Variants in GALNT13 observed in about 807,000 individuals in gnomAD.
GALNT13 encodes the protein UDP-GalNAc:polypeptide N-acetylgalactosaminyltransferase 13.
Under a neutral mutation model 64.2 loss-of-function variants are expected in GALNT13, and 28 were observed. That is an observed-to-expected ratio of 0.44 (90% CI 0.32 to 0.60). The LOEUF (loss-of-function observed/expected upper bound fraction) is 0.60, where lower values mean the gene tolerates loss of function less well. GALNT13 is among the 20% of genes least tolerant of loss of function. The pLI is 0.05. For synonymous variants in GALNT13, 214 were observed against 224.6 expected, an observed-to-expected ratio of 0.95 and a Z score of 0.42; for missense variants, 577 against 669.8, an observed-to-expected ratio of 0.86 and a Z score of 1.53.
chr2:153,262,253 G>A, the GALNT13 span, among the ~76,000 whole-genome samples: 1 of 152,116 alleles, frequency 6.6e-6, no homozygotes, highest in South Asian at 2.1e-4. Flanking sequence ...GATTGTTCAG[G>A]GACAAAGGCA....
At chr2:153,296,503 G>A in the GALNT13 span, among the ~76,000 whole-genome samples, 2 of 152,106 alleles carry the variant, frequency 1.3e-5, no homozygotes, top group Non-Finnish European at 2.9e-5. Flanking sequence ...AGTTCATAAT[G>A]GAGAGAGAAA....
At chr2:153,516,955 CCTT>C in the GALNT13 span, among the ~76,000 whole-genome samples, 1 of 152,024 alleles carries the variant, frequency 6.6e-6, no homozygotes, top group Non-Finnish European at 1.5e-5. Flanking sequence ...CCTTCCACCT[CCTT>C]CTCCACTCTT....
chr2:153,680,353 A>T, the GALNT13 span, among the ~76,000 whole-genome samples: 3 of 151,904 alleles, frequency 2.0e-5, no homozygotes, highest in South Asian at 6.2e-4. Context: ...AATAAAAAAA[A>T]ATTCCTTTCC....
intron 3 of GALNT13, among the ~76,000 whole-genome samples, chr2:154,034,106 A>G (rs893472761): frequency 6.6e-6 from 1 of 152,196 alleles, no homozygotes; most frequent in South Asian, 2.1e-4. Context: ...TGACTCAGCC[A>G]TCACACTACA....
At chr2:153,557,756 G>C in the GALNT13 span, among the ~76,000 whole-genome samples, 1 of 152,306 alleles carries the variant, frequency 6.6e-6, no homozygotes. Flanking sequence ...CGTGGCTACA[G>C]AGTCTTTAAG....
chr2:153,700,295 C>T, the GALNT13 span, among the ~76,000 whole-genome samples: 3 of 152,148 alleles, frequency 2.0e-5, no homozygotes, highest in African/African-American at 7.2e-5. Flanking sequence ...AATTCAACAT[C>T]TCTTTATGTT....
chr2:153,801,659 G>C, the GALNT13 span, among the ~76,000 whole-genome samples: 1 of 152,086 alleles, frequency 6.6e-6, no homozygotes, highest in Non-Finnish European at 1.5e-5. Context: ...ATAATGAAAA[G>C]TTTCAAATAT....
the GALNT13 span, among the ~76,000 whole-genome samples, chr2:153,410,778 G>C: frequency 6.6e-6 from 1 of 151,938 alleles, no homozygotes; most frequent in Non-Finnish European, 1.5e-5. Context: ...GCCATATATA[G>C]TGTATTGATT....
chr2:153,683,009 C>A, the GALNT13 span, among the ~76,000 whole-genome samples: 1 of 151,552 alleles, frequency 6.6e-6, no homozygotes, highest in East Asian at 1.9e-4. Flanking sequence ...GTTATGAAAT[C>A]CAGGTGAATG....
chr2:153,970,869 T>C (rs568052604), intron 3 of GALNT13, among the ~76,000 whole-genome samples: 28 of 152,298 alleles, frequency 1.8e-4, no homozygotes, highest in African/African-American at 6.7e-4. Context: ...TTCTTTAAAG[T>C]ATATTTAGAA....
chr2:153,581,335 T>C, the GALNT13 span, among the ~76,000 whole-genome samples: 758 of 152,226 alleles, frequency 5.0e-3, 7 homozygotes, highest in African/African-American at 0.017. Flanking sequence ...TTCACCATTG[T>C]TATATTTTAT....
At chr2:154,193,906 G>C (rs928039675) in intron 4 of GALNT13, among the ~76,000 whole-genome samples, 4 of 152,208 alleles carry the variant, frequency 2.6e-5, no homozygotes, top group Non-Finnish European at 5.9e-5. Context: ...AATATTAGAT[G>C]AGTTGAGGGC....
the GALNT13 span, among the ~76,000 whole-genome samples, chr2:153,562,042 T>TTCTCTCTC: frequency 2.7e-5 from 3 of 112,800 alleles, no homozygotes; most frequent in African/African-American, 1.0e-4. Context: ...CTCTCTCTCT[T>TTCTCTCTC]TCTCTCTCTC....
chr2:154,369,060 G>A (rs1009412248), intron 9 of GALNT13, among the ~76,000 whole-genome samples: 7 of 151,960 alleles, frequency 4.6e-5, no homozygotes, highest in Non-Finnish European at 8.8e-5. Context: ...CAGATTTCTT[G>A]TGATGTAGGT....
In GALNT13 at chr2:153,944,594, A is replaced by C; in HGVS notation, c.97A>C (p.Lys33Gln). Residue 33 changes from lysine (K) to glutamine (Q), a missense_variant, in exon 3 of 13, where the codon AAA (lysine) becomes CAA (glutamine). This residue lies in a region of GALNT13 where 341 missense variants were observed against 379.3 expected (regional missense o/e 0.90). Transcript: ENST00000392825. The part of the protein sequence containing the change: ...FLLLYFSECN[K>Q]CDDKKERSLL... ...ACTGCTGTACTTCAGTGAATGTAAC[A>C]AATGTGATGACAAGAAGGAGAGATC... The C allele has an allele frequency of 1.2e-6, 2 of 1,613,598 alleles. No homozygotes were observed. The highest frequency in any genetic ancestry group is 1.3e-5 in the African/African-American group (1 of 75,030).
chr2:154,356,612 CT>C (rs1696764711), intron 9 of GALNT13, among the ~76,000 whole-genome samples: 1 of 151,898 alleles, frequency 6.6e-6, no homozygotes. Flanking sequence ...TTGTAAATAA[CT>C]ACCTTTCCTC....
At chr2:153,814,449 A>G in the GALNT13 span, among the ~76,000 whole-genome samples, 48,171 of 148,396 alleles carry the variant, frequency 0.32, 8,325 homozygotes, top group Middle Eastern at 0.45. Flanking sequence ...CAATAAATAA[A>G]TAAGTAAGTA....
At chr2:153,723,536 A>C in the GALNT13 span, among the ~76,000 whole-genome samples, 6 of 150,908 alleles carry the variant, frequency 4.0e-5, no homozygotes, top group Non-Finnish European at 7.4e-5. Flanking sequence ...AGACGACATG[A>C]TTGTTTATCT....
the GALNT13 span, among the ~76,000 whole-genome samples, chr2:153,425,750 C>T: frequency 4.0e-5 from 6 of 151,864 alleles, no homozygotes; most frequent in African/African-American, 1.4e-4. Flanking sequence ...CTGATCAATA[C>T]TGCCCTATGC....
Sources: allele counts gnomAD v4.1 joint callset (sites outside exome capture counted in the v4.1 genomes callset), GRCh38; gene constraint gnomAD v4.1.1; regional missense constraint gnomAD v4.1.1; transcripts MANE v1.5; gene names NCBI Gene and HGNC (gene_info 2026-07-23, HGNC 2026-07-21).